ITGBL1: variants seen among roughly 807,000 people sequenced by gnomAD.
ITGBL1 encodes integrin subunit beta like 1.
In ITGBL1, 51 loss-of-function variants were observed where a neutral mutation model predicts 68.5. The observed-to-expected ratio is 0.74, with a 90% CI of 0.59 to 0.94. The LOEUF (loss-of-function observed/expected upper bound fraction) is 0.94. Among genes scored for constraint, ITGBL1 ranks in the 40% least tolerant of loss-of-function variants. The pLI is 0.00. For missense variants in ITGBL1, 649 were observed against 647.4 expected (o/e 1.00, Z -0.03); for synonymous variants, 209 against 227.3 (o/e 0.92, Z 0.72).
chr13:101,615,659 C>T (rs1415339830), intron 7 of ITGBL1, among the ~76,000 whole-genome samples: 1 of 151,894 alleles, frequency 6.6e-6, no homozygotes, highest in Non-Finnish European at 1.5e-5. Context: ...TGTGGTAGTA[C>T]ATGCCTGTAG....
chr13:101,671,426 G>GTGTTTT (rs2033357634), intron 7 of ITGBL1, among the ~76,000 whole-genome samples: 1 of 112,640 alleles, frequency 8.9e-6, no homozygotes, highest in African/African-American at 3.1e-5. Context: ...GTATACCTTT[G>GTGTTTT]TTTTTTTTTT....
At chr13:101,519,876 C>T (rs1226021150) in intron 2 of ITGBL1, among the ~76,000 whole-genome samples, 2 of 152,016 alleles carry the variant, frequency 1.3e-5, no homozygotes, top group African/African-American at 4.8e-5. Context: ...GAAGGAGGTC[C>T]CCATTTCTAC....
At chr13:101,708,050 CACACACACACACACACACAT>C (rs1192941420) in intron 9 of ITGBL1, among the ~76,000 whole-genome samples, 3 of 151,134 alleles carry the variant, frequency 2.0e-5, no homozygotes, top group Non-Finnish European at 2.9e-5. Flanking sequence ...CACACACACA[CACACACACACACACACACAT>C]ACACACAAAT....
chr13:101,603,173 A>G (rs1254367720), intron 7 of ITGBL1, among the ~76,000 whole-genome samples: 1 of 151,908 alleles, frequency 6.6e-6, no homozygotes, highest in Non-Finnish European at 1.5e-5. Flanking sequence ...AAATGACAGT[A>G]CCATTTTACA....
chr13:101,482,051 G>T (rs962376295), intron 2 of ITGBL1, among the ~76,000 whole-genome samples: 1 of 152,086 alleles, frequency 6.6e-6, no homozygotes, highest in African/African-American at 2.4e-5. Flanking sequence ...GGGGGCCAAA[G>T]AAGACATCAA....
intron 7 of ITGBL1, among the ~76,000 whole-genome samples, chr13:101,688,094 T>A (rs1330491551): frequency 6.6e-6 from 1 of 152,164 alleles, no homozygotes; most frequent in Admixed American, 6.6e-5. Flanking sequence ...AAGATTGGAC[T>A]CAATTTCTTA....
intron 7 of ITGBL1, among the ~76,000 whole-genome samples, chr13:101,598,855 T>G (rs1307598822): frequency 3.3e-5 from 5 of 152,166 alleles, no homozygotes; most frequent in Non-Finnish European, 5.9e-5. Flanking sequence ...TTTGAGTTGG[T>G]TCCAAGTCTT....
At chr13:101,711,565 C>T (rs535127263) in intron 9 of ITGBL1, 1 of 152,348 alleles carries the variant, frequency 6.6e-6, no homozygotes, top group East Asian at 1.9e-4. Context: ...CACAGATAGG[C>T]AGATCACTAA....
intron 7 of ITGBL1, among the ~76,000 whole-genome samples, chr13:101,611,548 C>T (rs1355194125): frequency 6.6e-6 from 1 of 152,024 alleles, no homozygotes; most frequent in Non-Finnish European, 1.5e-5. Context: ...ATATAGATGC[C>T]TACATGTTTA....
chr13:101,670,627 C>A (rs1473943175), intron 7 of ITGBL1, among the ~76,000 whole-genome samples: 2 of 152,030 alleles, frequency 1.3e-5, no homozygotes, highest in African/African-American at 2.4e-5. Context: ...TGTTTTAAAC[C>A]TTTTGACATC....
intron 2 of ITGBL1, among the ~76,000 whole-genome samples, chr13:101,557,029 A>T (rs556439894): frequency 6.6e-6 from 1 of 152,090 alleles, no homozygotes; most frequent in Non-Finnish European, 1.5e-5. Context: ...TGGAGCCTGC[A>T]CTCCACAGCC....
In ITGBL1 at chr13:101,653,568, C is replaced by T. The variant is rs530256960; in HGVS notation, c.1016-39017C>T. On this transcript the variant is annotated intron_variant, in intron 7 of 10. Coordinates refer to ENST00000376180, the MANE Select transcript of ITGBL1 (RefSeq NM_004791.3). The stretch of plus-strand genomic sequence containing the variant: ...TAGAATCTTTGACTTTAAGTGCATA[C>T]ATTTTAATTAGTAAGAAGAGGGCTC... Among the ~76,000 whole-genome samples, 4 of 152,248 alleles carry T rather than the reference C, an allele frequency of 2.6e-5. No individual in the cohort carries two copies. In the South Asian group the frequency reaches 8.3e-4, roughly 32 times the overall value.
chr13:101,602,060 G>A (rs1279377290), intron 7 of ITGBL1, among the ~76,000 whole-genome samples: 1 of 152,018 alleles, frequency 6.6e-6, no homozygotes, highest in Non-Finnish European at 1.5e-5. Context: ...CTCACTCACT[G>A]TCAGCCTACT....
chr13:101,518,074 C>T (rs1219612050), intron 2 of ITGBL1, among the ~76,000 whole-genome samples: 2 of 152,158 alleles, frequency 1.3e-5, no homozygotes, highest in Non-Finnish European at 2.9e-5. Flanking sequence ...GAGAAAATGA[C>T]TACATGTTTG....
chr13:101,662,839 A>G (rs1345755402), intron 7 of ITGBL1, among the ~76,000 whole-genome samples: 2 of 149,454 alleles, frequency 1.3e-5, no homozygotes, highest in South Asian at 2.1e-4. Flanking sequence ...TTTTTTTTTC[A>G]TATGTCTTCC....
chr13:101,707,005 G>A (rs2034278770), intron 9 of ITGBL1, 103 bp downstream of exon 9: 3 of 1,233,170 alleles, frequency 2.4e-6, no homozygotes, highest in South Asian at 1.4e-5. Context: ...TTGCATGAAA[G>A]CAAACCACTA....
At chr13:101,460,545 T>G (rs1402306722) in intron 2 of ITGBL1, among the ~76,000 whole-genome samples, 1 of 152,258 alleles carries the variant, frequency 6.6e-6, no homozygotes, top group Non-Finnish European at 1.5e-5. Context: ...CACAGCAATT[T>G]TCCTCAATTG....
intron 3 of ITGBL1, among the ~76,000 whole-genome samples, chr13:101,573,809 A>G (rs573499617): frequency 2.6e-5 from 4 of 152,268 alleles, no homozygotes; most frequent in African/African-American, 7.2e-5. Flanking sequence ...AGATTTGCTA[A>G]TATCTAGTAA....
intron 8 of ITGBL1, among the ~76,000 whole-genome samples, chr13:101,701,143 A>G (rs976206302): frequency 1.1e-4 from 17 of 152,352 alleles, no homozygotes; most frequent in Admixed American, 7.2e-4. Flanking sequence ...AGTCATATAA[A>G]TGACAACTCA....
Sources: gnomAD v4.1 joint callset for allele counts (sites outside exome capture counted in the v4.1 genomes callset) on GRCh38, gnomAD v4.1.1 for gene constraint, MANE v1.5 for transcripts, NCBI Gene and HGNC (gene_info 2026-07-23, HGNC 2026-07-21) for gene names.